Variants in BCAP29 observed in about 807,000 individuals in gnomAD.
The protein encoded by BCAP29 is B cell receptor associated protein 29.
In BCAP29, 34 loss-of-function variants were observed where a neutral mutation model predicts 31.8. The ratio of observed to expected loss-of-function variants is 1.07; its 90% CI spans 0.81 to 1.42. The LOEUF is 1.42. Ranked by LOEUF, BCAP29 falls within the 40% of genes most tolerant of loss-of-function variation. BCAP29 has a pLI of 0.00. For missense variants in BCAP29, 314 were observed against 269.2 expected (o/e 1.17, Z -1.16); for synonymous variants, 104 against 91.3 (o/e 1.14, Z -0.79).
intron 6 of BCAP29, among the ~76,000 whole-genome samples, chr7:107,612,437 A>ATATATATATATTTATTTATT (rs771741951): frequency 8.8e-6 from 1 of 113,256 alleles, no homozygotes; most frequent in Non-Finnish European, 1.8e-5. Context: ...ATATATATAT[A>ATATATATATATTTATTTATT]TATTTATTTT....
chr7:107,599,283 T>TTATATATATATA (rs1563134160), intron 5 of BCAP29, among the ~76,000 whole-genome samples: 752 of 50,124 alleles, frequency 0.015, 32 homozygotes, highest in African/African-American at 0.071. Context: ...TATATATAAT[T>TTATATATATATA]TTTATATATA....
At chr7:107,583,157 G>A (rs1000297434) in intron 2 of BCAP29, among the ~76,000 whole-genome samples, 1 of 151,836 alleles carries the variant, frequency 6.6e-6, no homozygotes, top group Non-Finnish European at 1.5e-5. Flanking sequence ...TTCCTATTGC[G>A]TGATGGATTA....
At chr7:107,621,824 C>T (rs1815001048), downstream of BCAP29, 1 of 514,544 alleles carries the variant, frequency 1.9e-6, no homozygotes, top group Admixed American at 2.1e-5. Context: ...TGATATTGGA[C>T]TTCCTGGCCT....
At position 107,583,876 on chromosome 7, in the gene BCAP29, T is replaced by C; in HGVS notation, c.93-6T>C. 6.6e-7 allele frequency: 1 copy of C among 1,512,816 alleles called. No individual in the cohort carries two copies. Among genetic ancestry groups the C allele is most frequent in the Non-Finnish European group, 9.0e-7 (1 of 1,110,112 alleles). The allele number at this position is 1,512,816 out of a possible 1,614,324, so 93.7% of individuals were successfully genotyped here. On this transcript the variant is annotated splice_polypyrimidine_tract_variant and splice_region_variant and intron_variant, in intron 2 of 7. Transcript: ENST00000005259. ...TTATACCTAATATAATTGTATTGCTTTACAGATGGCAGAAGATTTTTTCAT... is the reference window on the plus strand; with the variant it reads ...TTATACCTAATATAATTGTATTGCTCTACAGATGGCAGAAGATTTTTTCAT...
chr7:107,612,972 A>C (rs1268805393), intron 6 of BCAP29, among the ~76,000 whole-genome samples: 1 of 152,184 alleles, frequency 6.6e-6, no homozygotes, highest in Non-Finnish European at 1.5e-5. Context: ...GGACATGATT[A>C]AGACAGTTCC....
Position 107,580,806 on chromosome 7 carries a change from C to G in BCAP29, c.34C>G (p.Leu12Val). The stretch of plus-strand genomic sequence containing the variant: ...CCAATGGGCTGCAGTGGCAACCTTT[C>G]TTTATGCCGAAATAGGACTCATTTT... ...TLQWAAVATF[L>V]YAEIGLILIF... Residue 12 changes from leucine to valine, a missense_variant, in exon 2 of 8, where the codon CTT becomes GTT. By Grantham distance (32) the Leu-to-Val change is conservative. Coordinates refer to ENST00000005259, the MANE Select transcript of BCAP29 (RefSeq NM_018844.4). 6.3e-7 allele frequency: 1 copy of G among 1,597,082 alleles called. No individual in the cohort carries two copies. The highest frequency in any genetic ancestry group is 8.5e-7 in the Non-Finnish European group (1 of 1,173,122).
chr7:107,600,740 G>T (rs1248851368), intron 6 of BCAP29, among the ~76,000 whole-genome samples: 1 of 152,232 alleles, frequency 6.6e-6, no homozygotes, highest in East Asian at 1.9e-4. Flanking sequence ...TGTAAATACA[G>T]ATGTTCTTGC....
intron 6 of BCAP29, among the ~76,000 whole-genome samples, chr7:107,610,740 A>C (rs1812969488): frequency 1.3e-5 from 2 of 152,206 alleles, no homozygotes; most frequent in Admixed American, 6.5e-5. Flanking sequence ...AACCAGAAGA[A>C]ACTCCTAGAT....
intron 7 of BCAP29, chr7:107,615,306 G>A (rs1329873550): frequency 6.6e-6 from 3 of 456,530 alleles, no homozygotes; most frequent in Non-Finnish European, 1.3e-5. Context: ...AAGCTTTTAA[G>A]AGTGATTCCT....
At chr7:107,612,543 G>A (rs1813425287) in intron 6 of BCAP29, among the ~76,000 whole-genome samples, 1 of 151,068 alleles carries the variant, frequency 6.6e-6, no homozygotes, top group Non-Finnish European at 1.5e-5. Flanking sequence ...CCATTATCTT[G>A]AGGAGCAGGA....
intron 6 of BCAP29, chr7:107,603,530 G>A (rs1811542869): frequency 6.6e-6 from 1 of 151,546 alleles, no homozygotes; most frequent in Admixed American, 6.6e-5. Flanking sequence ...AACAGTAATT[G>A]GGGGAAATTT....
intron 3 of BCAP29, among the ~76,000 whole-genome samples, chr7:107,593,591 A>G (rs1056585848): frequency 4.6e-5 from 7 of 152,230 alleles, no homozygotes; most frequent in African/African-American, 1.7e-4. Flanking sequence ...AATTGATTGT[A>G]ATGGGATATG....
At chr7:107,622,038 A>C (rs545503882), downstream of BCAP29, 42 of 439,620 alleles carry the variant, frequency 9.6e-5, no homozygotes, top group African/African-American at 6.3e-4. Flanking sequence ...AGATAGCCTT[A>C]GCCATCTCCT....
chr7:107,606,347 A>G (rs373134100), intron 6 of BCAP29, among the ~76,000 whole-genome samples: 70 of 152,350 alleles, frequency 4.6e-4, no homozygotes, highest in African/African-American at 1.6e-3. Context: ...AAAACTGACT[A>G]TCAAGAATTA....
chr7:107,600,317 G>A, intron 5 of BCAP29, 80 bp from the exon 6 acceptor site: 1 of 835,896 alleles, frequency 1.2e-6, no homozygotes, highest in Non-Finnish European at 2.0e-6. Flanking sequence ...GTTTAGATAG[G>A]TTACTCAGCT....
intron 3 of BCAP29, among the ~76,000 whole-genome samples, chr7:107,592,173 T>C (rs1808988674): frequency 6.6e-6 from 1 of 152,134 alleles, no homozygotes; most frequent in Non-Finnish European, 1.5e-5. Context: ...AACATAACTA[T>C]ATGTAATGAG....
intron 4 of BCAP29, among the ~76,000 whole-genome samples, chr7:107,594,622 C>G (rs1200750310): frequency 2.0e-5 from 3 of 152,092 alleles, no homozygotes; most frequent in African/African-American, 7.2e-5. Context: ...CTGCCTCAGC[C>G]TCCTGAGTAG....
At chr7:107,597,399 GAC>G (rs1810055126) in intron 5 of BCAP29, among the ~76,000 whole-genome samples, 2 of 152,058 alleles carry the variant, frequency 1.3e-5, no homozygotes, top group Admixed American at 1.3e-4. Context: ...CTCTATCAGA[GAC>G]ACATTATCCA....
rs199610383 is a variant in BCAP29, at chr7:107,580,818, A to G, written c.46A>G (p.Ile16Val). The G allele has an allele frequency of 6.3e-7, 1 of 1,591,434 alleles. No individual in the cohort carries two copies. Among genetic ancestry groups the G allele is most frequent in the African/African-American group, 1.4e-5 (1 of 73,156 alleles). The stretch of plus-strand genomic sequence containing the variant: ...AGTGGCAACCTTTCTTTATGCCGAA[A>G]TAGGACTCATTTTAATCTTCTGCCT... ...AAVATFLYAE[I>V]GLILIFCLPF... The change falls in exon 2 of 8, where the codon ATA becomes GTA. Residue 16 changes from isoleucine to valine, a missense_variant. By Grantham distance (29) the Ile-to-Val change is conservative. Coordinates refer to ENST00000005259, the MANE Select transcript of BCAP29 (RefSeq NM_018844.4).
Sources: allele counts gnomAD v4.1 joint callset (sites outside exome capture counted in the v4.1 genomes callset), GRCh38; gene constraint gnomAD v4.1.1; transcripts MANE v1.5; gene names NCBI Gene and HGNC (gene_info 2026-07-23, HGNC 2026-07-21).